Variants in KCNH1 observed in about 807,000 individuals in gnomAD.
The protein encoded by KCNH1 is potassium voltage-gated channel subfamily H member 1, also known as voltage-gated delayed rectifier potassium channel KCNH1.
KCNH1 carries 27 observed loss-of-function variants against 69.2 expected under a neutral mutation model. That is an observed-to-expected ratio of 0.39 (90% CI 0.29 to 0.54). The LOEUF is 0.54. KCNH1 is among the 20% of genes least tolerant of loss of function. The pLI, the probability that KCNH1 is intolerant of heterozygous loss-of-function variation, is 0.68. For missense variants in KCNH1, 798 were observed against 1,261.6 expected, an observed-to-expected ratio of 0.63 and a Z score of 5.57; for synonymous variants, 456 against 487.7, an observed-to-expected ratio of 0.93 and a Z score of 0.86.
intron 7 of KCNH1, among the ~76,000 whole-genome samples, chr1:210,812,397 A>C (rs1231404630): frequency 6.6e-6 from 1 of 152,210 alleles, no homozygotes; most frequent in Non-Finnish European, 1.5e-5. Flanking sequence ...CAACAGGCAA[A>C]ACTGAGAAAG....
At chr1:210,713,139 T>C (rs1682120315) in intron 10 of KCNH1, among the ~76,000 whole-genome samples, 1 of 151,930 alleles carries the variant, frequency 6.6e-6, no homozygotes, top group African/African-American at 2.4e-5. Context: ...AACAACAACA[T>C]ATTCAAAGAA....
At chr1:211,091,113 A>G (rs1006144165) in intron 3 of KCNH1, among the ~76,000 whole-genome samples, 1 of 152,192 alleles carries the variant, frequency 6.6e-6, no homozygotes, top group Non-Finnish European at 1.5e-5. Context: ...AACCTCATCC[A>G]TTGCTAAAGG....
At chr1:211,077,818 T>C (rs1477311463) in intron 5 of KCNH1, among the ~76,000 whole-genome samples, 1 of 151,712 alleles carries the variant, frequency 6.6e-6, no homozygotes, top group Admixed American at 6.6e-5. Context: ...AATGGCAAAC[T>C]GGATAAAGAG....
intron 7 of KCNH1, among the ~76,000 whole-genome samples, chr1:210,886,465 T>C (rs950444015): frequency 6.6e-6 from 1 of 151,852 alleles, no homozygotes; most frequent in African/African-American, 2.4e-5. Context: ...GTCTGAAAAT[T>C]CCAAAAACCA....
At chr1:210,703,088 C>G (rs892905586) in intron 10 of KCNH1, among the ~76,000 whole-genome samples, 2 of 151,920 alleles carry the variant, frequency 1.3e-5, no homozygotes, top group African/African-American at 4.8e-5. Flanking sequence ...TACCAGAAGC[C>G]CTTTCTAACT....
chr1:210,894,006 A>G (rs940199965), intron 7 of KCNH1, among the ~76,000 whole-genome samples: 1 of 152,188 alleles, frequency 6.6e-6, no homozygotes, highest in Admixed American at 6.6e-5. Context: ...TATAGTTATA[A>G]TAACTAATGT....
intron 7 of KCNH1, among the ~76,000 whole-genome samples, chr1:210,890,716 A>G (rs1686729993): frequency 6.6e-6 from 1 of 152,278 alleles, no homozygotes; most frequent in African/African-American, 2.4e-5. Flanking sequence ...AAACCCCATC[A>G]AAAAGTGGGT....
At chr1:210,771,823 G>C (rs1216397104) in intron 10 of KCNH1, among the ~76,000 whole-genome samples, 1 of 152,200 alleles carries the variant, frequency 6.6e-6, no homozygotes, top group Non-Finnish European at 1.5e-5. Context: ...GCAGGACCCA[G>C]ACCAAAGTCT....
intron 5 of KCNH1, among the ~76,000 whole-genome samples, chr1:211,040,854 C>T (rs1289519812): frequency 1.3e-5 from 2 of 152,158 alleles, no homozygotes; most frequent in Non-Finnish European, 2.9e-5. Context: ...CCTCCATCCT[C>T]ACCTACCTAC....
chr1:210,686,966 G>T (rs1681421100), intron 10 of KCNH1, among the ~76,000 whole-genome samples: 2 of 152,170 alleles, frequency 1.3e-5, no homozygotes, highest in Non-Finnish European at 2.9e-5. Context: ...TTTGTGGAAT[G>T]TAGAACACAT....
At chr1:210,818,244 A>T (rs1684858867) in intron 7 of KCNH1, among the ~76,000 whole-genome samples, 1 of 152,104 alleles carries the variant, frequency 6.6e-6, no homozygotes. Context: ...GGCTTTTCTC[A>T]TCTTCTTGGT....
chr1:210,982,776 T>C (rs557058802), intron 6 of KCNH1, among the ~76,000 whole-genome samples: 80 of 152,344 alleles, frequency 5.3e-4, no homozygotes, highest in Non-Finnish European at 9.7e-4. Flanking sequence ...ATCCTTTGGG[T>C]ATACACCCAG....
At chr1:210,775,245 A>G in intron 10 of KCNH1, 103 bp downstream of exon 10, 2 of 943,564 alleles carry the variant, frequency 2.1e-6, no homozygotes, top group Non-Finnish European at 3.2e-6. Context: ...AGAACCAATT[A>G]CTCTACTTAA....
chr1:210,967,874 T>C (rs1351756454), intron 6 of KCNH1, among the ~76,000 whole-genome samples: 1 of 138,814 alleles, frequency 7.2e-6, no homozygotes, highest in Non-Finnish European at 1.6e-5. Context: ...TTTTTCTTTT[T>C]TTTTTATTAT....
intron 5 of KCNH1, among the ~76,000 whole-genome samples, chr1:211,044,982 T>C (rs752923551): frequency 4.3e-5 from 6 of 140,894 alleles, no homozygotes; most frequent in South Asian, 4.6e-4. Flanking sequence ...CAGTTCGCAA[T>C]TGCAAAAATG....
intron 9 of KCNH1, among the ~76,000 whole-genome samples, chr1:210,780,960 T>C (rs529354656): frequency 3.3e-5 from 5 of 152,056 alleles, no homozygotes; most frequent in African/African-American, 7.2e-5. Flanking sequence ...GGCAGGAGAA[T>C]GGCGTGAACC....
intron 5 of KCNH1, among the ~76,000 whole-genome samples, chr1:211,048,235 G>A (rs1202475731): frequency 6.6e-6 from 1 of 152,208 alleles, no homozygotes; most frequent in Non-Finnish European, 1.5e-5. Context: ...CTGCCGGTGT[G>A]AATGTTAACT....
chr1:210,746,959 T>G (rs939325547), intron 10 of KCNH1, among the ~76,000 whole-genome samples: 1 of 152,204 alleles, frequency 6.6e-6, no homozygotes, highest in African/African-American at 2.4e-5. Context: ...AGCACAGCCC[T>G]CTCTGGCTTT....
At chr1:210,975,107 A>T (rs994451567) in intron 6 of KCNH1, among the ~76,000 whole-genome samples, 3 of 152,148 alleles carry the variant, frequency 2.0e-5, no homozygotes, top group Non-Finnish European at 2.9e-5. Context: ...ATTTCCTTTC[A>T]TTCTGAAAGA....
Sources: gnomAD v4.1 joint callset for allele counts (sites outside exome capture counted in the v4.1 genomes callset) on GRCh38, gnomAD v4.1.1 for gene constraint, MANE v1.5 for transcripts, NCBI Gene and HGNC (gene_info 2026-07-23, HGNC 2026-07-21) for gene names.